Variants in TCF7L1 observed in about 807,000 individuals in gnomAD.
TCF7L1 encodes the protein transcription factor 7 like 1.
TCF7L1 carries 18 observed loss-of-function variants against 63.7 expected under a neutral mutation model. The ratio of observed to expected loss-of-function variants is 0.28; its 90% CI spans 0.20 to 0.42. The LOEUF (loss-of-function observed/expected upper bound fraction) is 0.42. Among genes scored for constraint, TCF7L1 ranks in the 10% least tolerant of loss-of-function variants. TCF7L1 has a pLI of 1.00. For synonymous variants in TCF7L1, 355 were observed against 340.9 expected (o/e 1.04, Z -0.46); for missense variants, 654 against 779.3 (o/e 0.84, Z 1.91).
chr2:85,155,302 C>A (rs977339843), intron 3 of TCF7L1, among the ~76,000 whole-genome samples: 20 of 152,156 alleles, frequency 1.3e-4, no homozygotes, highest in South Asian at 6.2e-4. Flanking sequence ...TGGGCGGGGA[C>A]AAATAAGGGA....
At chr2:85,191,182 G>A (rs1336877197) in intron 3 of TCF7L1, among the ~76,000 whole-genome samples, 1 of 152,190 alleles carries the variant, frequency 6.6e-6, no homozygotes, top group Admixed American at 6.5e-5. Flanking sequence ...AGGACAGATA[G>A]GGAAAAGCTT....
chr2:85,211,340 G>A (rs1427508990), intron 3 of TCF7L1, among the ~76,000 whole-genome samples: 2 of 152,130 alleles, frequency 1.3e-5, no homozygotes, highest in Middle Eastern at 3.2e-3. Context: ...TGTGACTTTC[G>A]GTCAGAGACT....
chr2:85,308,446 T>TC (rs1558663508), intron 11 of TCF7L1, among the ~76,000 whole-genome samples: 5 of 86,568 alleles, frequency 5.8e-5, no homozygotes, highest in African/African-American at 1.6e-4. Flanking sequence ...CCTCCCTTTC[T>TC]CTTTCCCTCC....
At chr2:85,269,920 G>A (rs1046124055) in intron 3 of TCF7L1, among the ~76,000 whole-genome samples, 4 of 152,184 alleles carry the variant, frequency 2.6e-5, no homozygotes, top group African/African-American at 9.6e-5. Flanking sequence ...TGGCTGGTGT[G>A]ACCCTTATTC....
intron 4 of TCF7L1, among the ~76,000 whole-genome samples, chr2:85,290,717 G>A (rs764748097): frequency 5.3e-5 from 8 of 152,246 alleles, no homozygotes; most frequent in Non-Finnish European, 1.0e-4. Flanking sequence ...GAGTGAGTGA[G>A]TGAGTGTGAA....
chr2:85,155,823 A>G (rs1252319265), intron 3 of TCF7L1, among the ~76,000 whole-genome samples: 2 of 151,984 alleles, frequency 1.3e-5, no homozygotes, highest in East Asian at 3.9e-4. Flanking sequence ...CCACTCTAAC[A>G]TTGTTAGTTA....
chr2:85,135,627 G>T (rs1217342362), intron 3 of TCF7L1, among the ~76,000 whole-genome samples: 2 of 151,802 alleles, frequency 1.3e-5, no homozygotes, highest in African/African-American at 2.4e-5. Flanking sequence ...ACAGCGGTCG[G>T]TGGAGAGCCA....
At position 85,134,426 on chromosome 2, in the gene TCF7L1, CCT is replaced by C; in HGVS notation, c.418_419del (p.Leu140ValfsTer37). The C allele has an allele frequency of 6.4e-7, 1 of 1,560,454 alleles. No homozygotes were observed. The highest frequency in any genetic ancestry group is 8.7e-7 in the Non-Finnish European group (1 of 1,151,958). On this transcript the variant is annotated frameshift_variant, in exon 3 of 12. Coordinates refer to ENST00000282111, the MANE Select transcript of TCF7L1 (RefSeq NM_031283.3). LOFTEE classifies it high-confidence loss of function. This position sits in a 1 kb window ranked among gnomAD's most constrained non-coding sequence, Gnocchi z 5.0. Reference protein sequence around the residue: ...LSSPYLSNGPLSPGGARTYLQ... With the variant: ...LSSPYLSNGPXSPGGARTYLQ... ...GCAGCCCGTACCTCTCCAACGGACC[CCT>C]GTCTCCCGGAGGAGCGCGCACCGTG...
At chr2:85,307,295 T>C (rs1307157061) in intron 10 of TCF7L1, among the ~76,000 whole-genome samples, 1 of 152,142 alleles carries the variant, frequency 6.6e-6, no homozygotes, top group Non-Finnish European at 1.5e-5. Context: ...GGACCCACAG[T>C]TGCATCAAAC....
intron 3 of TCF7L1, chr2:85,205,122 G>C (rs1679372199): frequency 6.6e-6 from 1 of 152,026 alleles, no homozygotes; most frequent in African/African-American, 2.4e-5. Context: ...ATTTTTTCTG[G>C]TTAGAATTTT....
chr2:85,172,931 C>T (rs1416954688), intron 3 of TCF7L1, among the ~76,000 whole-genome samples: 1 of 152,226 alleles, frequency 6.6e-6, no homozygotes, highest in Non-Finnish European at 1.5e-5. Flanking sequence ...CATTGCCCGT[C>T]TCCACTCGCT....
At chr2:85,251,512 C>T (rs571359798) in intron 3 of TCF7L1, among the ~76,000 whole-genome samples, 1 of 152,316 alleles carries the variant, frequency 6.6e-6, no homozygotes, top group Admixed American at 6.5e-5. Flanking sequence ...AAAGTCATCA[C>T]ACTGCTAATT....
chr2:85,250,732 A>G (rs1245583120), intron 3 of TCF7L1, among the ~76,000 whole-genome samples: 1 of 152,174 alleles, frequency 6.6e-6, no homozygotes, highest in African/African-American at 2.4e-5. Context: ...CACCATGCCC[A>G]GCCGAAAAAT....
At chr2:85,247,696 T>C (rs1391372487) in intron 3 of TCF7L1, among the ~76,000 whole-genome samples, 1 of 152,246 alleles carries the variant, frequency 6.6e-6, no homozygotes, top group Non-Finnish European at 1.5e-5. Flanking sequence ...GGGTGTCCTA[T>C]GGCTCTGTAG....
In TCF7L1 at chr2:85,294,026, ATTTTTT is replaced by A. The variant is rs774050758; in HGVS notation, c.526-8435_526-8430del. On this transcript the variant is annotated intron_variant, in intron 4 of 11. Coordinates refer to ENST00000282111, the MANE Select transcript of TCF7L1 (RefSeq NM_031283.3). ...ATTTAGGTGTGGCCTGAACACTGGGATTTTTTTTTTTTTTTTTTTTTTTTTTTTGAG... is the reference window on the plus strand; with the variant it reads ...ATTTAGGTGTGGCCTGAACACTGGGATTTTTTTTTTTTTTTTTTTTTTGAG... Among the ~76,000 whole-genome samples, 458 of 59,462 alleles carry A rather than the reference ATTTTTT, an allele frequency of 7.7e-3. 5 individuals are homozygous for A. The highest frequency in any genetic ancestry group is 0.026 in the African/African-American group (404 of 15,690). The allele number at this position is 59,462 out of a possible 152,430, so 39.0% of individuals were successfully genotyped here.
At chr2:85,285,473 T>C (rs1037313034) in intron 4 of TCF7L1, among the ~76,000 whole-genome samples, 4 of 151,834 alleles carry the variant, frequency 2.6e-5, no homozygotes, top group African/African-American at 9.7e-5. Flanking sequence ...AGGATGACAG[T>C]GGAAGGAACC....
At chr2:85,204,731 T>A (rs1679360185) in intron 3 of TCF7L1, among the ~76,000 whole-genome samples, 1 of 152,162 alleles carries the variant, frequency 6.6e-6, no homozygotes, top group South Asian at 2.1e-4. Flanking sequence ...AAAAAAGGCT[T>A]TGTGAAATTA....
chr2:85,185,960 ATTTTTT>A (rs67142055), intron 3 of TCF7L1, among the ~76,000 whole-genome samples: 16 of 94,622 alleles, frequency 1.7e-4, no homozygotes, highest in African/African-American at 6.7e-4. Flanking sequence ...AACACAGGGG[ATTTTTT>A]TTTTTTTTTT....
intron 3 of TCF7L1, among the ~76,000 whole-genome samples, chr2:85,177,041 C>T (rs1678691572): frequency 6.7e-6 from 1 of 149,666 alleles, no homozygotes; most frequent in Admixed American, 6.7e-5. Flanking sequence ...GGTGAGTGGA[C>T]TATAAACTGC....
Sources: gnomAD v4.1 joint callset for allele counts (sites outside exome capture counted in the v4.1 genomes callset) on GRCh38, gnomAD v4.1.1 for gene constraint, Gnocchi (gnomAD v3.1) non-coding constraint, MANE v1.5 for transcripts, NCBI Gene and HGNC (gene_info 2026-07-23, HGNC 2026-07-21) for gene names.